Variants in AR observed in about 807,000 individuals in gnomAD.
The protein encoded by AR is dihydrotestosterone receptor.
In AR, 8 loss-of-function variants were observed where a neutral mutation model predicts 53.9. The ratio of observed to expected loss-of-function variants is 0.15; its 90% CI spans 0.09 to 0.27. AR has a LOEUF of 0.27. Among genes scored for constraint, AR ranks in the 10% least tolerant of loss-of-function variants. The pLI, the probability that AR is intolerant of heterozygous loss-of-function variation, is 1.00. For missense variants in AR, 639 were observed against 742.5 expected (o/e 0.86, Z 1.62); for synonymous variants, 359 against 316.4 (o/e 1.13, Z -1.43).
chrX:67,637,391 A>G (rs1424324685), intron 1 of AR, among the ~76,000 whole-genome samples: 9 of 89,808 alleles, frequency 1.0e-4, no homozygotes, highest in Non-Finnish European at 1.3e-4. Context: ...TGTGTTCTCA[A>G]TGTTCAGTTC....
At chrX:67,673,870 C>T (rs949498608) in intron 2 of AR, among the ~76,000 whole-genome samples, 5 of 111,062 alleles carry the variant, frequency 4.5e-5, no homozygotes, top group Non-Finnish European at 7.5e-5. Context: ...AGTGTCTGAG[C>T]ATTGAAAAGT....
intron 1 of AR, among the ~76,000 whole-genome samples, chrX:67,629,932 A>T (rs1261867384): frequency 9.0e-6 from 1 of 111,108 alleles, no homozygotes; most frequent in Non-Finnish European, 1.9e-5. Context: ...TTCAGTTTCC[A>T]TGTAGTTGAG....
chrX:67,655,792 A>G (rs1177465320), intron 2 of AR, among the ~76,000 whole-genome samples: 2 of 111,872 alleles, frequency 1.8e-5, no homozygotes, highest in Non-Finnish European at 3.8e-5. Flanking sequence ...ATTTCCTAGC[A>G]TAGTGATAGA....
intron 4 of AR, among the ~76,000 whole-genome samples, chrX:67,712,581 T>TA (rs1289767006): frequency 8.9e-6 from 1 of 112,528 alleles, no homozygotes; most frequent in Admixed American, 9.4e-5. Flanking sequence ...TGTACACAGA[T>TA]ACAAGTGGAG....
At position 67,711,483 on chromosome X, in the gene AR, C is replaced by T. The variant is rs368550583; in HGVS notation, c.1967C>T (p.Thr656Ile). Residue 656 changes from threonine (T) to isoleucine (I), a missense_variant, in exon 4 of 8, where the codon ACA becomes ATA. This residue lies in a region of AR where 47 missense variants were observed against 35.9 expected (regional missense o/e 1.31). Transcript: ENST00000374690. ...ASSTTSPTEE[T>I]TQKLTVSHIE... is the part of the protein sequence containing the mutation. ...AGCACCACCAGCCCCACTGAGGAGA[C>T]AACCCAGAAGCTGACAGTGTCACAC... 1 of 1,209,936 alleles carries T rather than the reference C, an allele frequency of 8.3e-7. No individual in the cohort carries two copies. Among genetic ancestry groups the T allele is most frequent in the East Asian group, 3.0e-5 (1 of 33,749 alleles).
chrX:67,563,540 G>A (rs1921426125), intron 1 of AR, among the ~76,000 whole-genome samples: 1 of 111,568 alleles, frequency 9.0e-6, no homozygotes, highest in African/African-American at 3.3e-5. Flanking sequence ...TTGGGAAAAC[G>A]CTAGACTCTG....
In AR at chrX:67,656,444, G is replaced by C. The variant is rs772745574; in HGVS notation, c.1768+13037G>C. ...ATTGAAACAATCCTAACCAAGACTG[G>C]CATAGTACAATGAGCCTGTCCCTAT... On this transcript the variant is annotated intron_variant, in intron 2 of 7. Transcript: ENST00000374690. 3.6e-5 allele frequency among the ~76,000 whole-genome samples: 4 copies of C among 111,183 alleles called. No individual in the cohort carries two copies. In the East Asian group the frequency reaches 1.1e-3, roughly 32 times the overall value.
intron 2 of AR, among the ~76,000 whole-genome samples, chrX:67,656,796 G>A (rs1487874919): frequency 9.1e-6 from 1 of 110,017 alleles, no homozygotes; most frequent in East Asian, 2.9e-4. Context: ...CAGTCCAGTG[G>A]GAGCAAATGA....
chrX:67,653,125 G>A (rs906260236), intron 2 of AR, among the ~76,000 whole-genome samples: 4 of 111,649 alleles, frequency 3.6e-5, no homozygotes, highest in East Asian at 2.8e-4. Context: ...GACCTATACC[G>A]GGCACTGGGA....
At chrX:67,660,231 G>C (rs1478780610) in intron 2 of AR, among the ~76,000 whole-genome samples, 1 of 112,052 alleles carries the variant, frequency 8.9e-6, no homozygotes, top group East Asian at 2.8e-4. Flanking sequence ...GATCCCATTT[G>C]TCAATTTTGG....
At chrX:67,627,391 G>C (rs1924732188) in intron 1 of AR, among the ~76,000 whole-genome samples, 1 of 112,210 alleles carries the variant, frequency 8.9e-6, no homozygotes. Flanking sequence ...GTGATGGTGA[G>C]CATTTTTTCA....
chrX:67,549,736 A>G (rs896291554), intron 1 of AR, among the ~76,000 whole-genome samples: 5 of 112,251 alleles, frequency 4.5e-5, no homozygotes, highest in Non-Finnish European at 9.4e-5. Context: ...AATTATCCAG[A>G]TGCCAAAAGA....
At chrX:67,583,649 G>C (rs1236951868) in intron 1 of AR, among the ~76,000 whole-genome samples, 1 of 111,739 alleles carries the variant, frequency 8.9e-6, no homozygotes, top group African/African-American at 3.3e-5. Context: ...TCAGATTCAA[G>C]TCTTCATGTA....
In AR at chrX:67,544,392, C is replaced by T. The variant is rs1425755028; in HGVS notation, c.-755C>T. 2.0e-5 allele frequency: 2 copies of T among 99,277 alleles called. No homozygotes were observed. The highest frequency in any genetic ancestry group is 3.9e-4 in the East Asian group (2 of 5,191). 8.2% of individuals were successfully genotyped at this position (99,277 alleles called of 1,213,427 possible). A position where few individuals can be genotyped will look rare whatever the true frequency, so the allele number is the denominator to read the frequency against. ...TTCCCCCCCTCCCCCGTCTTCTCTC[C>T]CGCAGCTGCCTCAGTCGGCTACTCT... On this transcript the variant is annotated 5_prime_UTR_variant, in exon 1 of 8. Transcript: ENST00000374690.
rs777765515 is a variant in AR, at chrX:67,546,182, T to C, written c.1036T>C (p.Ser346Pro). The stretch of plus-strand genomic sequence containing the variant: ...GACACTTGAACTGCCGTCTACCCTG[T>C]CTCTCTACAAGTCCGGAGCACTGGA... Reference protein sequence around the residue: ...SGTLELPSTLSLYKSGALDEA... With the variant: ...SGTLELPSTLPLYKSGALDEA... The change falls in exon 1 of 8, where the codon TCT (serine) becomes CCT (proline). Residue 346 changes from serine (S) to proline (P), a missense_variant. Ser to Pro is a moderately conservative substitution (Grantham distance 74). Transcript: ENST00000374690. The C allele has an allele frequency of 5.0e-6, 6 of 1,210,811 alleles. No homozygotes were observed. In the East Asian group the frequency reaches 1.8e-4, roughly 36 times the overall value.
At chrX:67,569,077 T>A in intron 1 of AR, 1 of 1,163,789 alleles carries the variant, frequency 8.6e-7, no homozygotes, top group South Asian at 1.8e-5. Context: ...TAGTGAGTGT[T>A]GTAAGGTTTG....
intron 1 of AR, among the ~76,000 whole-genome samples, chrX:67,600,202 C>T (rs752270410): frequency 1.8e-5 from 2 of 110,760 alleles, no homozygotes; most frequent in African/African-American, 6.5e-5. Context: ...TGGTATACAC[C>T]CCTGCACAGT....
intron 2 of AR, among the ~76,000 whole-genome samples, chrX:67,648,192 G>GA (rs947399649): frequency 7.2e-5 from 8 of 111,383 alleles, no homozygotes; most frequent in Admixed American, 9.6e-5. Flanking sequence ...CTAAACAAGA[G>GA]AAAAAATAAA....
At chrX:67,614,377 A>G (rs1924015883) in intron 1 of AR, among the ~76,000 whole-genome samples, 1 of 112,120 alleles carries the variant, frequency 8.9e-6, no homozygotes, top group Non-Finnish European at 1.9e-5. Flanking sequence ...GTCAACAAAA[A>G]TTAAAAATAA....
Sources: allele counts gnomAD v4.1 joint callset (sites outside exome capture counted in the v4.1 genomes callset), GRCh38; gene constraint gnomAD v4.1.1; regional missense constraint gnomAD v4.1.1; transcripts MANE v1.5; gene names NCBI Gene and HGNC (gene_info 2026-07-23, HGNC 2026-07-21).